Variants in SPAG16 observed in about 807,000 individuals in gnomAD.
SPAG16 encodes sperm-associated antigen 16 protein.
SPAG16 carries 86 observed loss-of-function variants against 80.4 expected under a neutral mutation model. The ratio of observed to expected loss-of-function variants is 1.07; its 90% CI spans 0.90 to 1.28. The LOEUF is 1.28. Ranked by LOEUF, SPAG16 falls within the 50% of genes most tolerant of loss-of-function variation. The pLI, the probability that SPAG16 is intolerant of heterozygous loss-of-function variation, is 0.00. For missense variants in SPAG16, 870 were observed against 765.3 expected, an observed-to-expected ratio of 1.14 and a Z score of -1.61; for synonymous variants, 294 against 265.9, an observed-to-expected ratio of 1.11 and a Z score of -1.03.
At chr2:213,657,348 T>C (rs1468646696) in intron 10 of SPAG16, among the ~76,000 whole-genome samples, 1 of 152,176 alleles carries the variant, frequency 6.6e-6, no homozygotes, top group Non-Finnish European at 1.5e-5. Context: ...AATAATATAC[T>C]TAAAACCTTA....
intron 10 of SPAG16, among the ~76,000 whole-genome samples, chr2:213,669,621 T>C (rs2063742929): frequency 1.3e-5 from 2 of 152,330 alleles, no homozygotes; most frequent in African/African-American, 2.4e-5. Context: ...TATCCTTTAA[T>C]GGTAAAATAG....
chr2:214,334,152 G>T (rs1268688436), intron 15 of SPAG16, among the ~76,000 whole-genome samples: 2 of 152,018 alleles, frequency 1.3e-5, no homozygotes, highest in East Asian at 3.9e-4. Flanking sequence ...TATCTCCTTC[G>T]GCATGCAGTT....
At chr2:213,918,037 T>C (rs561557303) in intron 11 of SPAG16, among the ~76,000 whole-genome samples, 33 of 152,286 alleles carry the variant, frequency 2.2e-4, no homozygotes, top group African/African-American at 7.5e-4. Flanking sequence ...CATCTGGTTT[T>C]TCTTTTTAGT....
At chr2:213,498,945 T>G (rs1410665386) in intron 10 of SPAG16, among the ~76,000 whole-genome samples, 1 of 152,150 alleles carries the variant, frequency 6.6e-6, no homozygotes, top group Non-Finnish European at 1.5e-5. Context: ...CTCCAGTCAC[T>G]CCTCCAACTT....
intron 13 of SPAG16, among the ~76,000 whole-genome samples, chr2:214,051,244 T>C (rs2049627023): frequency 6.6e-6 from 1 of 152,220 alleles, no homozygotes; most frequent in Admixed American, 6.5e-5. Flanking sequence ...CAGCTCATGG[T>C]GTTTTCTTTT....
chr2:213,735,770 G>A (rs2067254641), intron 10 of SPAG16, among the ~76,000 whole-genome samples: 1 of 152,180 alleles, frequency 6.6e-6, no homozygotes, highest in Non-Finnish European at 1.5e-5. Flanking sequence ...TTCATTAATA[G>A]CTAGTCAGTC....
At chr2:213,907,070 GAT>G (rs2077461929) in intron 11 of SPAG16, among the ~76,000 whole-genome samples, 1 of 152,060 alleles carries the variant, frequency 6.6e-6, no homozygotes, top group Non-Finnish European at 1.5e-5. Context: ...AGAATGAAGA[GAT>G]AACCTGTTGA....
chr2:213,981,732 A>G (rs1292959305), intron 12 of SPAG16, among the ~76,000 whole-genome samples: 1 of 152,044 alleles, frequency 6.6e-6, no homozygotes, highest in African/African-American at 2.4e-5. Context: ...TAATAGATTT[A>G]TATTATACAA....
chr2:213,417,298 A>T (rs1369086262), intron 9 of SPAG16, among the ~76,000 whole-genome samples: 2 of 152,182 alleles, frequency 1.3e-5, no homozygotes, highest in African/African-American at 4.8e-5. Context: ...CTTTAGGGGG[A>T]TACATGAATG....
At chr2:213,626,260 G>A (rs901412880) in intron 10 of SPAG16, among the ~76,000 whole-genome samples, 3 of 152,006 alleles carry the variant, frequency 2.0e-5, no homozygotes, top group Admixed American at 6.6e-5. Flanking sequence ...TTAAATGGAA[G>A]GAATGTCTGA....
intron 10 of SPAG16, among the ~76,000 whole-genome samples, chr2:213,620,294 T>TG (rs2061731120): frequency 7.8e-6 from 1 of 128,942 alleles, no homozygotes; most frequent in Non-Finnish European, 1.7e-5. Flanking sequence ...TTTTTTTTTT[T>TG]TTTTTTTTTT....
intron 9 of SPAG16, among the ~76,000 whole-genome samples, chr2:213,435,190 A>G (rs542490655): frequency 4.3e-4 from 66 of 152,366 alleles, no homozygotes; most frequent in African/African-American, 1.5e-3. Context: ...GATATGTAAT[A>G]CTGTATACTT....
At chr2:214,389,079 C>A (rs1273694503) in intron 15 of SPAG16, among the ~76,000 whole-genome samples, 2 of 152,116 alleles carry the variant, frequency 1.3e-5, no homozygotes, top group South Asian at 4.1e-4. Flanking sequence ...AGAAATATTT[C>A]TCTATAGATA....
intron 10 of SPAG16, among the ~76,000 whole-genome samples, chr2:213,674,560 G>C (rs2063962537): frequency 6.7e-6 from 1 of 148,568 alleles, no homozygotes; most frequent in South Asian, 2.1e-4. Flanking sequence ...ACAGTCCCCA[G>C]AGTGTGATGT....
chr2:213,708,468 G>A (rs573424708), intron 10 of SPAG16, among the ~76,000 whole-genome samples: 1 of 152,124 alleles, frequency 6.6e-6, no homozygotes, highest in African/African-American at 2.4e-5. Flanking sequence ...TTAGGAAGTC[G>A]AGGCGGGTAG....
intron 11 of SPAG16, among the ~76,000 whole-genome samples, chr2:213,903,692 C>T (rs1039315207): frequency 5.7e-4 from 87 of 152,300 alleles, no homozygotes; most frequent in South Asian, 1.0e-3. Flanking sequence ...ATGCAAATCT[C>T]TGCAGCTGGC....
chr2:213,639,318 G>T (rs1199199600), intron 10 of SPAG16, among the ~76,000 whole-genome samples: 1 of 152,118 alleles, frequency 6.6e-6, no homozygotes, highest in Admixed American at 6.5e-5. Context: ...TTTTTGTATT[G>T]TGTTGTTGTT....
chr2:214,006,943 TTCCCCCCCACCACCA>T (rs1388915106), intron 12 of SPAG16, among the ~76,000 whole-genome samples: 1 of 152,184 alleles, frequency 6.6e-6, no homozygotes, highest in Non-Finnish European at 1.5e-5. Flanking sequence ...GAATTGCTCC[TTCCCCCCCACCACCA>T]TAAGTGAATA....
intron 9 of SPAG16, among the ~76,000 whole-genome samples, chr2:213,386,748 T>C (rs2067449473): frequency 6.6e-6 from 1 of 152,220 alleles, no homozygotes; most frequent in African/African-American, 2.4e-5. Context: ...AGGGGAACAA[T>C]TTTTGTGAAC....
Sources: allele counts gnomAD v4.1 joint callset (sites outside exome capture counted in the v4.1 genomes callset), GRCh38; gene constraint gnomAD v4.1.1; transcripts MANE v1.5; gene names NCBI Gene and HGNC (gene_info 2026-07-23, HGNC 2026-07-21).